The following DSCAM variants were observed in gnomAD, a reference collection of about 807,000 sequenced individuals.
DSCAM encodes cell adhesion molecule DSCAM.
A neutral mutation model predicts 217.7 loss-of-function variants in DSCAM; 47 were observed. That is an observed-to-expected ratio of 0.22 (90% CI 0.17 to 0.28). The LOEUF (loss-of-function observed/expected upper bound fraction) is 0.28. Ranked by LOEUF, DSCAM falls within the 10% of genes least tolerant of loss-of-function variation. DSCAM has a pLI of 1.00. For missense variants in DSCAM, 2,080 were observed against 2,618.3 expected, an observed-to-expected ratio of 0.79 and a Z score of 4.49; for synonymous variants, 1,056 against 1,015.3, an observed-to-expected ratio of 1.04 and a Z score of -0.76.
At chr21:40,419,224 G>A (rs867423046) in intron 3 of DSCAM, among the ~76,000 whole-genome samples, 4 of 150,048 alleles carry the variant, frequency 2.7e-5, no homozygotes, top group South Asian at 2.1e-4. Flanking sequence ...CTCATAATCC[G>A]CCTGCCTCAG....
intron 3 of DSCAM, among the ~76,000 whole-genome samples, chr21:40,419,033 C>T (rs1261839261): frequency 2.6e-5 from 4 of 152,112 alleles, no homozygotes; most frequent in East Asian, 1.9e-4. Context: ...TGCAGTGGTG[C>T]GATCTCGGCC....
chr21:40,431,551 C>T (rs1490160972), intron 3 of DSCAM, among the ~76,000 whole-genome samples: 1 of 152,164 alleles, frequency 6.6e-6, no homozygotes, highest in African/African-American at 2.4e-5. Context: ...AAGACGAAGA[C>T]CTTTATGATG....
chr21:40,298,518 T>A (rs2073980793), intron 9 of DSCAM, among the ~76,000 whole-genome samples: 1 of 152,198 alleles, frequency 6.6e-6, no homozygotes, highest in African/African-American at 2.4e-5. Flanking sequence ...AAAATGTATT[T>A]AAGAAAATGA....
intron 1 of DSCAM, among the ~76,000 whole-genome samples, chr21:40,792,756 T>G (rs1361726814): frequency 6.6e-6 from 1 of 152,102 alleles, no homozygotes; most frequent in East Asian, 1.9e-4. Flanking sequence ...AATAAAGAAA[T>G]AAAACTCCTT....
chr21:40,368,481 T>C (rs565998510), intron 4 of DSCAM, among the ~76,000 whole-genome samples: 2 of 152,350 alleles, frequency 1.3e-5, no homozygotes, highest in South Asian at 2.1e-4. Context: ...TGAAAGACTA[T>C]TGGCTATTTT....
At chr21:40,291,576 T>A (rs2073892468) in intron 10 of DSCAM, among the ~76,000 whole-genome samples, 1 of 152,172 alleles carries the variant, frequency 6.6e-6, no homozygotes, top group Admixed American at 6.5e-5. Flanking sequence ...ATTCCAGGCA[T>A]CAACCTCCCG....
intron 3 of DSCAM, among the ~76,000 whole-genome samples, chr21:40,555,154 G>A (rs1275432195): frequency 6.6e-6 from 1 of 152,092 alleles, no homozygotes; most frequent in Non-Finnish European, 1.5e-5. Flanking sequence ...TTTCCAGAAA[G>A]CCTGATGATG....
At chr21:40,559,548 T>C (rs998398886) in intron 3 of DSCAM, among the ~76,000 whole-genome samples, 21 of 151,720 alleles carry the variant, frequency 1.4e-4, no homozygotes, top group Non-Finnish European at 2.6e-4. Flanking sequence ...TTTGAGCACC[T>C]CTCAGGATCC....
At chr21:40,165,598 CAG>C (rs1453903417) in intron 16 of DSCAM, among the ~76,000 whole-genome samples, 1 of 152,208 alleles carries the variant, frequency 6.6e-6, no homozygotes, top group East Asian at 1.9e-4. Context: ...CTGCTTTCTA[CAG>C]AGAGAGAAAG....
chr21:40,476,826 C>T (rs781609007), intron 3 of DSCAM, among the ~76,000 whole-genome samples: 2 of 151,966 alleles, frequency 1.3e-5, no homozygotes, highest in Admixed American at 6.6e-5. Flanking sequence ...AAGTTCTCTA[C>T]GTGAACAATC....
intron 6 of DSCAM, 47 bp downstream of exon 6, chr21:40,347,623 G>A: frequency 6.2e-7 from 1 of 1,609,170 alleles, no homozygotes; most frequent in Non-Finnish European, 8.5e-7. Context: ...TGAGTGCTCT[G>A]GGTTTGGGTT....
intron 3 of DSCAM, among the ~76,000 whole-genome samples, chr21:40,466,200 G>A (rs2075843926): frequency 6.6e-6 from 1 of 152,172 alleles, no homozygotes; most frequent in African/African-American, 2.4e-5. Flanking sequence ...CAGAAGTAAG[G>A]CGGCATGCAG....
At chr21:40,316,190 C>T (rs190849444) in intron 8 of DSCAM, among the ~76,000 whole-genome samples, 6 of 152,230 alleles carry the variant, frequency 3.9e-5, no homozygotes, top group East Asian at 1.9e-4. Context: ...TAAGGAAAAG[C>T]GTTTTCCCAG....
At chr21:40,330,355 T>G (rs2123557809) in intron 8 of DSCAM, among the ~76,000 whole-genome samples, 1 of 146,390 alleles carries the variant, frequency 6.8e-6, no homozygotes, top group Non-Finnish European at 1.5e-5. Flanking sequence ...TTATATATAA[T>G]AAATTATGCA....
At position 40,187,562 on chromosome 21, in the gene DSCAM, T is replaced by G. The variant is rs375281026; in HGVS notation, c.2651-303A>C. Among the ~76,000 whole-genome samples, 94 of 152,290 alleles carry G rather than the reference T, an allele frequency of 6.2e-4. 1 individual carries two copies. In the East Asian group the frequency reaches 0.014, roughly 22 times the overall value. Reference sequence around the variant, plus strand: ...TTTGGCCCCAAATGTTAAACTTCCCTTTCATTCTGGTCATCTAGTACATGG... The same window carrying G: ...TTTGGCCCCAAATGTTAAACTTCCCGTTCATTCTGGTCATCTAGTACATGG... On this transcript the variant is annotated intron_variant, in intron 13 of 32. Coordinates refer to ENST00000400454, the MANE Select transcript of DSCAM (RefSeq NM_001389.5).
intron 11 of DSCAM, among the ~76,000 whole-genome samples, chr21:40,248,078 G>A (rs960863096): frequency 1.3e-5 from 2 of 152,152 alleles, no homozygotes; most frequent in Non-Finnish European, 2.9e-5. Flanking sequence ...TGGCTGGGAT[G>A]CAGGGCACCA....
chr21:40,170,203 G>A (rs1020113251), intron 15 of DSCAM, among the ~76,000 whole-genome samples: 5 of 152,124 alleles, frequency 3.3e-5, no homozygotes, highest in Admixed American at 1.3e-4. Context: ...AGGGTTTGCC[G>A]CCCATGCCTG....
intron 10 of DSCAM, among the ~76,000 whole-genome samples, chr21:40,294,555 G>A (rs959769073): frequency 1.1e-4 from 17 of 152,090 alleles, no homozygotes; most frequent in African/African-American, 2.7e-4. Flanking sequence ...ACACATATGC[G>A]CATTGAATTA....
intron 3 of DSCAM, among the ~76,000 whole-genome samples, chr21:40,583,554 G>A (rs1005816243): frequency 2.2e-4 from 34 of 152,010 alleles, no homozygotes; most frequent in African/African-American, 8.2e-4. Flanking sequence ...ACCTACCAGG[G>A]GAGTGGGAAG....
Sources: allele counts gnomAD v4.1 joint callset (sites outside exome capture counted in the v4.1 genomes callset), GRCh38; gene constraint gnomAD v4.1.1; transcripts MANE v1.5; gene names NCBI Gene and HGNC (gene_info 2026-07-23, HGNC 2026-07-21).